The following ZNF729 variants were observed in gnomAD, a reference collection of about 807,000 sequenced individuals.
ZNF729 encodes zinc finger protein 729.
Under a neutral mutation model 12.2 loss-of-function variants are expected in ZNF729, and 15 were observed. The observed-to-expected ratio is 1.23, with a 90% confidence interval of 0.82 to 1.89. The LOEUF (loss-of-function observed/expected upper bound fraction) is 1.89. Among genes scored for constraint, ZNF729 ranks in the 40% most tolerant of loss-of-function variants. The pLI is 0.00. For missense variants in ZNF729, 1,540 were observed against 1,456.7 expected, an observed-to-expected ratio of 1.06 and a Z score of -0.93; for synonymous variants, 492 against 476.3, an observed-to-expected ratio of 1.03 and a Z score of -0.43.
Position 22,311,981 on chromosome 19 carries a change from G to A in ZNF729, c.254-1690G>A, listed in dbSNP as rs183262721. On this transcript the variant is annotated intron_variant, in intron 3 of 3. Coordinates refer to ENST00000601693, the MANE Select transcript of ZNF729 (RefSeq NM_001242680.2). ...TTTTTTTAATTGCTGTTGCTTTAAA[G>A]TATATTTTGTCATATGTAAGAATAG... 5.5e-4 allele frequency among the ~76,000 whole-genome samples: 84 copies of A among 152,132 alleles called. 1 individual carries two copies. The highest frequency in any genetic ancestry group is 3.4e-3 in the Middle Eastern group (1 of 294).
Position 22,289,339 on chromosome 19 carries a change from C to T in ZNF729, c.30+2784C>T, listed in dbSNP as rs1968123165. Among the ~76,000 whole-genome samples, 4 of 151,342 alleles carry T rather than the reference C, an allele frequency of 2.6e-5. No individual in the cohort carries two copies. In the South Asian group the frequency reaches 8.4e-4, roughly 32 times the overall value. On this transcript the variant is annotated intron_variant, in intron 1 of 3. Transcript: ENST00000601693. ...CTCCCAGGTTCAAGTGATTCTTCTG[C>T]CTCAGCCTCCTGACTAGCTGGGACT...
intron 1 of ZNF729, among the ~76,000 whole-genome samples, chr19:22,292,256 T>C (rs940532866): frequency 1.3e-5 from 2 of 152,186 alleles, no homozygotes; most frequent in Non-Finnish European, 2.9e-5. Flanking sequence ...CCATGTGTTA[T>C]TATTTAGCTC....
intron 3 of ZNF729, among the ~76,000 whole-genome samples, chr19:22,312,317 A>G (rs1424779830): frequency 2.0e-5 from 3 of 152,148 alleles, no homozygotes; most frequent in Non-Finnish European, 2.9e-5. Context: ...TTGTACATCA[A>G]AAAAGCTACC....
At chr19:22,293,461 C>T (rs992729995) in intron 1 of ZNF729, among the ~76,000 whole-genome samples, 6 of 150,532 alleles carry the variant, frequency 4.0e-5, no homozygotes, top group African/African-American at 1.5e-4. Context: ...GCTGGGATTA[C>T]AGGCGTGAGC....
chr19:22,316,591 G>A lies in ZNF729; in HGVS notation c.3174G>A (p.Lys1058=). The A allele has an allele frequency of 6.2e-7, 1 of 1,610,136 alleles. No homozygotes were observed. ...YKCEECGKAF[K]WSSKLTEHKV... ...GTGAAGAATGTGGTAAAGCTTTTAA[G>A]TGGTCCTCAAAACTTACTGAACATA... Residue 1058 remains lysine (K), a synonymous_variant, in exon 4 of 4, where the codon AAG becomes AAA. Coordinates refer to ENST00000601693, the MANE Select transcript of ZNF729 (RefSeq NM_001242680.2).
intron 3 of ZNF729, among the ~76,000 whole-genome samples, chr19:22,312,491 G>A (rs557040972): frequency 1.6e-4 from 21 of 135,452 alleles, no homozygotes; most frequent in African/African-American, 5.0e-4. Context: ...GATAAAGAAC[G>A]TTATTCAGGT....
rs1344006295 is a variant in ZNF729 at position 22,315,826 on chromosome 19, A to G, written c.2409A>G (p.Lys803=). The change falls in exon 4 of 4, where the codon AAA becomes AAG. Residue 803 remains lysine (K), a synonymous_variant. Transcript: ENST00000601693. The part of the protein sequence containing the change: ...EKPYKCEECG[K]AFKWSSKLTV... ...CCTACAAGTGTGAAGAATGTGGTAA[A>G]GCTTTTAAGTGGTCCTCAAAGCTTA... 9.9e-6 allele frequency: 16 copies of G among 1,611,070 alleles called. No homozygotes were observed. Among genetic ancestry groups the G allele is most frequent in the Non-Finnish European group, 1.4e-5 (16 of 1,179,696 alleles).
chr19:22,309,793 T>C (rs549409478), intron 3 of ZNF729, among the ~76,000 whole-genome samples: 84 of 152,130 alleles, frequency 5.5e-4, no homozygotes, highest in Admixed American at 9.2e-4. Flanking sequence ...TAGATTGCTT[T>C]TGGCAGTATA....
At chr19:22,290,877 T>A (rs571553946) in intron 1 of ZNF729, among the ~76,000 whole-genome samples, 2 of 152,284 alleles carry the variant, frequency 1.3e-5, no homozygotes, top group South Asian at 4.1e-4. Context: ...GGATTGTATC[T>A]TTTCTAATAA....
chr19:22,302,840 A>C (rs1199061079), intron 1 of ZNF729, among the ~76,000 whole-genome samples: 1 of 107,480 alleles, frequency 9.3e-6, no homozygotes, highest in Admixed American at 9.2e-5. Flanking sequence ...CTAGAGCGGG[A>C]GTGCAGTGGC....
At chr19:22,291,892 C>T (rs886368632) in intron 1 of ZNF729, among the ~76,000 whole-genome samples, 2 of 152,224 alleles carry the variant, frequency 1.3e-5, no homozygotes. Context: ...TGCCACCACG[C>T]CCCGCTAATT....
Position 22,314,046 on chromosome 19 carries a change from G to C in ZNF729, c.629G>C (p.Cys210Ser). The change falls in exon 4 of 4, where the codon TGT becomes TCT. Residue 210 changes from cysteine (C) to serine (S), a missense_variant. Coordinates refer to ENST00000601693, the MANE Select transcript of ZNF729 (RefSeq NM_001242680.2). The stretch of plus-strand genomic sequence containing the variant: ...CATATTAGACAGAATATCTACAAAT[G>C]TGAAGAACGTGGCAAAGCCTTTAAA... ...RIHIRQNIYK[C>S]EERGKAFKSF... is the part of the protein sequence containing the mutation. The C allele has an allele frequency of 6.5e-7, 1 of 1,542,062 alleles. No homozygotes were observed. Among genetic ancestry groups the C allele is most frequent in the Non-Finnish European group, 8.7e-7 (1 of 1,145,778 alleles).
chr19:22,304,244 T>A (rs943701125), intron 2 of ZNF729, among the ~76,000 whole-genome samples: 7 of 152,190 alleles, frequency 4.6e-5, no homozygotes, highest in Non-Finnish European at 1.0e-4. Flanking sequence ...TTTCACCATG[T>A]TGGCCAGGAT....
chr19:22,286,620 C>A, intron 1 of ZNF729, 65 bp downstream of exon 1: 2 of 1,604,862 alleles, frequency 1.2e-6, no homozygotes, highest in East Asian at 4.5e-5. Context: ...TGGGAAGTGG[C>A]TGTGGCGGGA....
At chr19:22,287,581 A>T (rs907555562) in intron 1 of ZNF729, among the ~76,000 whole-genome samples, 2 of 151,952 alleles carry the variant, frequency 1.3e-5, no homozygotes, top group African/African-American at 4.8e-5. Flanking sequence ...TAGATTTTTT[A>T]AAAAGTAGAT....
intron 1 of ZNF729, among the ~76,000 whole-genome samples, chr19:22,293,679 A>G (rs1184187929): frequency 7.9e-5 from 12 of 151,226 alleles, no homozygotes; most frequent in African/African-American, 2.9e-4. Context: ...TTTTTAGTAA[A>G]GACAGGGTTT....
rs1449674633 is a variant in ZNF729, at chr19:22,313,793, T to G, written c.376T>G (p.Cys126Gly). 6.3e-7 allele frequency: 1 copy of G among 1,598,228 alleles called. No homozygotes were observed. Among genetic ancestry groups the G allele is most frequent in the South Asian group, 1.1e-5 (1 of 89,344 alleles). ...GHKNLRLRKDCKSANEGKMHK... is the reference protein window; with the variant it reads ...GHKNLRLRKDGKSANEGKMHK... ...TAAGAATTTACGATTAAGAAAAGATTGTAAAAGTGCCAATGAGGGTAAGAT... is the reference window on the plus strand; with the variant it reads ...TAAGAATTTACGATTAAGAAAAGATGGTAAAAGTGCCAATGAGGGTAAGAT... The change falls in exon 4 of 4, where the codon TGT becomes GGT. Residue 126 changes from cysteine (C) to glycine (G), a missense_variant. By Grantham distance (159) the Cys-to-Gly change is radical. Coordinates refer to ENST00000601693, the MANE Select transcript of ZNF729 (RefSeq NM_001242680.2).
chr19:22,294,490 T>C (rs1968197964), intron 1 of ZNF729, among the ~76,000 whole-genome samples: 1 of 152,158 alleles, frequency 6.6e-6, no homozygotes. Flanking sequence ...TAGTTTTCTA[T>C]AGTTCTGTTA....
In ZNF729 at chr19:22,303,756, A is replaced by G. The variant is rs1968345020; in HGVS notation, c.31-2A>G. 1.3e-6 allele frequency: 2 copies of G among 1,550,718 alleles called. No individual in the cohort carries two copies. The highest frequency in any genetic ancestry group is 1.7e-6 in the Non-Finnish European group (2 of 1,143,848). ...ATATGTGTCTTTCGTTGTGTTTTTC[A>G]GGGACCATTGACATTTAGAGATGTG... On this transcript the variant is annotated splice_acceptor_variant, in intron 1 of 3. Coordinates refer to ENST00000601693, the MANE Select transcript of ZNF729 (RefSeq NM_001242680.2). LOFTEE classifies it high-confidence loss of function.
Sources: allele counts gnomAD v4.1 joint callset (sites outside exome capture counted in the v4.1 genomes callset), GRCh38; gene constraint gnomAD v4.1.1; transcripts MANE v1.5; gene names NCBI Gene and HGNC (gene_info 2026-07-23, HGNC 2026-07-21).